UNC80: variants seen among roughly 807,000 people sequenced by gnomAD.
UNC80 encodes the protein protein unc-80 homolog.
A neutral mutation model predicts 384.6 loss-of-function variants in UNC80; 164 were observed. The ratio of observed to expected loss-of-function variants is 0.43; its 90% confidence interval spans 0.38 to 0.49. The LOEUF (loss-of-function observed/expected upper bound fraction) is 0.49. Among genes scored for constraint, UNC80 ranks in the 20% least tolerant of loss-of-function variants. UNC80 has a pLI of 0.00. For synonymous variants in UNC80, 1,486 were observed against 1,527.8 expected (o/e 0.97, Z 0.64); for missense variants, 3,330 against 4,143.0 (o/e 0.80, Z 5.39).
At chr2:209,958,920 C>T (rs2092501857) in intron 49 of UNC80, among the ~76,000 whole-genome samples, 199 bp from the exon 50 acceptor site, 1 of 152,138 alleles carries the variant, frequency 6.6e-6, no homozygotes, top group South Asian at 2.1e-4. Context: ...ACAACTTTTG[C>T]AGCAGCTATA....
At chr2:209,896,892 A>G (rs2086852414) in intron 28 of UNC80, among the ~76,000 whole-genome samples, 1 of 152,114 alleles carries the variant, frequency 6.6e-6, no homozygotes, top group Non-Finnish European at 1.5e-5. Context: ...GATCCCAGGG[A>G]AACTCTGGGC....
chr2:209,885,212 A>T lies in UNC80; in HGVS notation c.4111-2883A>T, dbSNP rs149053650. ...AATAAAGTATGAGCAAGGTGGTGTG[A>T]TGGTTGCAGGGGTGGGGATGAAGGT... On this transcript the variant is annotated intron_variant, in intron 25 of 64. Coordinates refer to ENST00000673920, the MANE Select transcript of UNC80 (RefSeq NM_001371986.1). Among the ~76,000 whole-genome samples the T allele has an allele frequency of 6.5e-4, 99 of 152,274 alleles. 3 individuals are homozygous for T. The East Asian group carries it at 0.017, about 26-fold the overall frequency.
At chr2:209,865,854 A>T (rs1020271125) in intron 22 of UNC80, among the ~76,000 whole-genome samples, 8 of 152,146 alleles carry the variant, frequency 5.3e-5, no homozygotes, top group Non-Finnish European at 1.0e-4. Flanking sequence ...TTAATTGAAA[A>T]TCTCTTTATT....
rs1377580580 is a variant in UNC80, at chr2:209,943,422, A to G, written c.6958A>G (p.Ile2320Val). The G allele has an allele frequency of 2.6e-6, 4 of 1,552,088 alleles. No homozygotes were observed. Among genetic ancestry groups the G allele is most frequent in the Non-Finnish European group, 3.5e-6 (4 of 1,147,072 alleles). Residue 2320 changes from isoleucine (I) to valine (V), a missense_variant, in exon 45 of 65, where the codon ATC (isoleucine) becomes GTC (valine). By Grantham distance (29) the Ile-to-Val change is conservative (BLOSUM62 3). This residue lies in a region of UNC80 where 1,049 missense variants were observed against 1,488.6 expected (regional missense o/e 0.70). Transcript: ENST00000673920. ...AAGCAATCCCCAGCTGCGTCAAGCC[A>G]TCGAATTTGCCTGTCACCAGTTCTA... ...YESNPQLRQA[I>V]EFACHQFYIL...
chr2:209,959,684 G>A lies in UNC80; in HGVS notation c.7782G>A (p.Leu2594=). The change falls in exon 51 of 65, where the codon CTG becomes CTA. Residue 2594 remains leucine (L), a synonymous_variant. Coordinates refer to ENST00000673920, the MANE Select transcript of UNC80 (RefSeq NM_001371986.1). ...AGCCTCGGGTCATTGCCTTGGAACT[G>A]CTGGATGTGAAGTCTCACATGAGGT... The part of the protein sequence containing the change: ...AGEPRVIALE[L]LDVKSHMRLA... 1 of 1,551,552 alleles carries A rather than the reference G, an allele frequency of 6.4e-7. No homozygotes were observed. The highest frequency in any genetic ancestry group is 8.7e-7 in the Non-Finnish European group (1 of 1,146,982).
At chr2:209,854,706 C>A (rs1321631870) in intron 22 of UNC80, among the ~76,000 whole-genome samples, 3 of 152,152 alleles carry the variant, frequency 2.0e-5, no homozygotes, top group African/African-American at 7.2e-5. Context: ...AGCTCAACAT[C>A]ATTGATCATC....
At chr2:209,808,802 C>T (rs2153826885) in intron 7 of UNC80, 1 of 24,522 alleles carries the variant, frequency 4.1e-5, no homozygotes, top group East Asian at 1.9e-3. Flanking sequence ...GCCTCTGCCA[C>T]CATGCCGCGC....
chr2:209,973,989 C>T (rs964321791), intron 56 of UNC80, among the ~76,000 whole-genome samples: 5 of 152,062 alleles, frequency 3.3e-5, no homozygotes, highest in African/African-American at 4.8e-5. Flanking sequence ...GGTCGTGACC[C>T]GGGGAGCAAT....
chr2:209,861,850 G>A (rs1485585020), intron 22 of UNC80, among the ~76,000 whole-genome samples: 1 of 152,142 alleles, frequency 6.6e-6, no homozygotes, highest in Non-Finnish European at 1.5e-5. Flanking sequence ...TCTGATGGTA[G>A]TTTGTATTTC....
chr2:209,843,339 T>C (rs567931600), intron 21 of UNC80, among the ~76,000 whole-genome samples: 15 of 152,334 alleles, frequency 9.8e-5, no homozygotes, highest in Non-Finnish European at 2.1e-4. Flanking sequence ...TTGGTTTGTA[T>C]TGATTAATTT....
At chr2:209,861,023 A>G (rs754359859) in intron 22 of UNC80, among the ~76,000 whole-genome samples, 7 of 152,164 alleles carry the variant, frequency 4.6e-5, no homozygotes, top group Admixed American at 2.6e-4. Context: ...CTCTCTTCCT[A>G]TTTTAATACC....
chr2:209,878,123 C>T lies in UNC80; in HGVS notation c.3976+34C>T, dbSNP rs974414470. 4.7e-6 allele frequency: 7 copies of T among 1,492,088 alleles called. No individual in the cohort carries two copies. The Admixed American group carries it at 1.8e-4, about 38-fold the overall frequency. 92.4% of individuals were successfully genotyped at this position (1,492,088 alleles called of 1,614,324 possible). On this transcript the variant is annotated intron_variant, in intron 24 of 64. Transcript: ENST00000673920. ...ACTCCCTTTACTACAAGAACCCCTG[C>T]TTGTAAGAACCTCTGCTTTAGGAGC...
chr2:209,844,250 T>G (rs961424390), intron 21 of UNC80, among the ~76,000 whole-genome samples: 1 of 152,204 alleles, frequency 6.6e-6, no homozygotes, highest in Non-Finnish European at 1.5e-5. Context: ...CTGGATGTCA[T>G]TTGACTGGAG....
intron 5 of UNC80, among the ~76,000 whole-genome samples, chr2:209,786,863 T>C (rs1172649116): frequency 6.6e-6 from 1 of 151,712 alleles, no homozygotes; most frequent in Admixed American, 6.6e-5. Flanking sequence ...GAGAGTGCAT[T>C]AAGTGCCTGC....
chr2:209,846,869 G>A (rs998501770), intron 21 of UNC80, among the ~76,000 whole-genome samples: 1 of 152,100 alleles, frequency 6.6e-6, no homozygotes, highest in East Asian at 1.9e-4. Flanking sequence ...ATGCCAGCAG[G>A]ATACAATTTT....
intron 4 of UNC80, among the ~76,000 whole-genome samples, chr2:209,783,007 C>A (rs1389796959): frequency 6.6e-6 from 1 of 151,820 alleles, no homozygotes; most frequent in African/African-American, 2.4e-5. Context: ...AAAAGCAAGC[C>A]CTTCAGGGGA....
chr2:209,932,502 C>T (rs1559351796), intron 38 of UNC80, among the ~76,000 whole-genome samples: 1 of 152,300 alleles, frequency 6.6e-6, no homozygotes, highest in African/African-American at 2.4e-5. Flanking sequence ...TTTCGCTTGC[C>T]TGTGTACCTG....
chr2:209,800,447 CTCT>C (rs2078467753), intron 7 of UNC80, among the ~76,000 whole-genome samples: 1 of 148,904 alleles, frequency 6.7e-6, no homozygotes, highest in African/African-American at 2.5e-5. Flanking sequence ...ATTCTTCTCT[CTCT>C]TCTTTATTAG....
intron 49 of UNC80, among the ~76,000 whole-genome samples, chr2:209,958,171 A>T (rs2092474350): frequency 6.6e-6 from 1 of 152,140 alleles, no homozygotes; most frequent in African/African-American, 2.4e-5. Flanking sequence ...ATGCCCTCAA[A>T]TGGTGCTTTT....
Sources: gnomAD v4.1 joint callset for allele counts (sites outside exome capture counted in the v4.1 genomes callset) on GRCh38, gnomAD v4.1.1 for gene constraint, gnomAD v4.1.1 regional missense constraint, MANE v1.5 for transcripts, NCBI Gene and HGNC (gene_info 2026-07-23, HGNC 2026-07-21) for gene names.